KCND2: variants seen among roughly 807,000 people sequenced by gnomAD.
KCND2 encodes A-type voltage-gated potassium channel KCND2.
In KCND2, 16 loss-of-function variants were observed where a neutral mutation model predicts 54.4. The observed-to-expected ratio is 0.29, with a 90% CI of 0.20 to 0.45. The LOEUF (loss-of-function observed/expected upper bound fraction) is 0.45. Ranked by LOEUF, KCND2 falls within the 20% of genes least tolerant of loss-of-function variation. The pLI, the probability that KCND2 is intolerant of heterozygous loss-of-function variation, is 1.00. For missense variants in KCND2, 486 were observed against 824.2 expected, an observed-to-expected ratio of 0.59 and a Z score of 5.02; for synonymous variants, 317 against 310.7, an observed-to-expected ratio of 1.02 and a Z score of -0.21.
At chr7:120,735,613 AC>A (rs1183081238) in intron 2 of KCND2, among the ~76,000 whole-genome samples, 1 of 152,116 alleles carries the variant, frequency 6.6e-6, no homozygotes, top group Non-Finnish European at 1.5e-5. Context: ...AATATTAAAT[AC>A]TAAAATACAT....
At chr7:120,276,581 T>C (rs1442392759) in intron 1 of KCND2, among the ~76,000 whole-genome samples, 3 of 152,162 alleles carry the variant, frequency 2.0e-5, no homozygotes, top group African/African-American at 4.8e-5. Context: ...TATTATAAAA[T>C]TTGGGGTCCT....
intron 1 of KCND2, among the ~76,000 whole-genome samples, chr7:120,425,709 G>C (rs1041964249): frequency 6.6e-6 from 1 of 152,204 alleles, no homozygotes; most frequent in African/African-American, 2.4e-5. Flanking sequence ...TCTGGTTGTA[G>C]ACTGCACCAT....
At chr7:120,559,250 T>C (rs1307623963) in intron 1 of KCND2, among the ~76,000 whole-genome samples, 2 of 152,228 alleles carry the variant, frequency 1.3e-5, no homozygotes, top group Non-Finnish European at 2.9e-5. Flanking sequence ...CAAATGACTT[T>C]CATGGTGATA....
At chr7:120,435,732 G>GAT (rs112011873) in intron 1 of KCND2, among the ~76,000 whole-genome samples, 15,289 of 148,534 alleles carry the variant, frequency 0.1, 2,282 homozygotes, top group African/African-American at 0.34. Flanking sequence ...CTAACCAGTG[G>GAT]ATATATATAT....
At chr7:120,485,970 C>CAAG (rs1368805755) in intron 1 of KCND2, among the ~76,000 whole-genome samples, 1 of 152,128 alleles carries the variant, frequency 6.6e-6, no homozygotes, top group Non-Finnish European at 1.5e-5. Context: ...TTCACTCACC[C>CAAG]AAGAGTTATT....
intron 1 of KCND2, among the ~76,000 whole-genome samples, chr7:120,588,454 G>A (rs1348077636): frequency 7.4e-6 from 1 of 134,908 alleles, no homozygotes; most frequent in Admixed American, 7.6e-5. Flanking sequence ...TCCTTGAGTG[G>A]GTTGCTCAGA....
intron 1 of KCND2, among the ~76,000 whole-genome samples, chr7:120,688,792 C>T (rs1298245665): frequency 2.0e-5 from 3 of 152,068 alleles, no homozygotes; most frequent in Admixed American, 6.6e-5. Context: ...GTTATGATTA[C>T]AAAAATAGAA....
At chr7:120,673,911 T>TA (rs1562905354) in intron 1 of KCND2, among the ~76,000 whole-genome samples, 16 of 148,374 alleles carry the variant, frequency 1.1e-4, no homozygotes, top group African/African-American at 4.0e-4. Context: ...TTTTATTTAT[T>TA]TTTTTTTTTT....
intron 1 of KCND2, among the ~76,000 whole-genome samples, chr7:120,512,801 C>CTTTTTTT (rs796237031): frequency 2.2e-5 from 3 of 137,424 alleles, no homozygotes; most frequent in Non-Finnish European, 3.2e-5. Flanking sequence ...TTTCTTTTTT[C>CTTTTTTT]TTTTTTTTTT....
chr7:120,633,003 C>A (rs1584862462), intron 1 of KCND2, among the ~76,000 whole-genome samples: 1 of 152,294 alleles, frequency 6.6e-6, no homozygotes, highest in Middle Eastern at 3.4e-3. Flanking sequence ...TGCAACAATT[C>A]TCAGAAATAA....
At chr7:120,294,828 A>G (rs1241389854) in intron 1 of KCND2, among the ~76,000 whole-genome samples, 2 of 151,952 alleles carry the variant, frequency 1.3e-5, no homozygotes, top group South Asian at 4.2e-4. Flanking sequence ...ACACATATAC[A>G]TATATACACA....
chr7:120,310,042 G>A (rs1799714659), intron 1 of KCND2, among the ~76,000 whole-genome samples: 5 of 152,146 alleles, frequency 3.3e-5, no homozygotes, highest in Admixed American at 2.0e-4. Context: ...TCCCTCAAGA[G>A]GGAACACTGA....
intron 1 of KCND2, among the ~76,000 whole-genome samples, chr7:120,522,543 G>A (rs552505033): frequency 2.0e-4 from 31 of 152,302 alleles, no homozygotes; most frequent in African/African-American, 7.0e-4. Flanking sequence ...TTACAAATGA[G>A]CACTCTCTTG....
intron 1 of KCND2, among the ~76,000 whole-genome samples, chr7:120,413,646 G>T (rs1440197788): frequency 1.3e-5 from 2 of 151,742 alleles, no homozygotes; most frequent in Non-Finnish European, 2.9e-5. Context: ...CATGCAAATT[G>T]TCCTTAAAAT....
intron 1 of KCND2, among the ~76,000 whole-genome samples, chr7:120,405,612 AT>A: frequency 6.6e-6 from 1 of 152,254 alleles, no homozygotes; most frequent in East Asian, 1.9e-4. Context: ...ACTAAAAGAT[AT>A]CATTCACATG....
chr7:120,279,362 T>C (rs1390208008), intron 1 of KCND2, among the ~76,000 whole-genome samples: 2 of 151,988 alleles, frequency 1.3e-5, no homozygotes, highest in Non-Finnish European at 2.9e-5. Context: ...AGGGATCATA[T>C]TACTCATAAT....
intron 1 of KCND2, among the ~76,000 whole-genome samples, chr7:120,363,981 C>T (rs1214302570): frequency 6.6e-6 from 1 of 152,246 alleles, no homozygotes; most frequent in South Asian, 2.1e-4. Context: ...TTGGCTTAAT[C>T]TCATCCTTTA....
At chr7:120,324,159 T>A (rs1359528758) in intron 1 of KCND2, among the ~76,000 whole-genome samples, 3 of 150,834 alleles carry the variant, frequency 2.0e-5, no homozygotes, top group African/African-American at 7.4e-5. Flanking sequence ...TGTTTTTTTC[T>A]TGTAAATTTG....
At chr7:120,506,437 G>A (rs1345186225) in intron 1 of KCND2, among the ~76,000 whole-genome samples, 2 of 151,702 alleles carry the variant, frequency 1.3e-5, no homozygotes, top group Admixed American at 6.6e-5. Flanking sequence ...ATACTTTCAT[G>A]GTTTTGTGCA....
Sources: allele counts gnomAD v4.1 joint callset (sites outside exome capture counted in the v4.1 genomes callset), GRCh38; gene constraint gnomAD v4.1.1; transcripts MANE v1.5; gene names NCBI Gene and HGNC (gene_info 2026-07-23, HGNC 2026-07-21).